Variants in COX7B2 observed in about 807,000 individuals in gnomAD.
COX7B2 encodes cytochrome c oxidase subunit 7B2, mitochondrial.
For synonymous variants in COX7B2, 37 were observed against 32.1 expected (o/e 1.15, Z -0.51); for missense variants, 109 against 95.9 (o/e 1.14, Z -0.57).
At chr4:46,798,131 C>T (rs568360354) in intron 2 of COX7B2, among the ~76,000 whole-genome samples, 10 of 152,220 alleles carry the variant, frequency 6.6e-5, no homozygotes, top group South Asian at 2.1e-4. Context: ...ACATATCACA[C>T]GTTGAGAAAT....
At chr4:46,870,166 A>G (rs1717894470) in intron 1 of COX7B2, among the ~76,000 whole-genome samples, 1 of 152,030 alleles carries the variant, frequency 6.6e-6, no homozygotes, top group Admixed American at 6.6e-5. Flanking sequence ...TTTTACTGTT[A>G]CTACTCGTAA....
intron 1 of COX7B2, among the ~76,000 whole-genome samples, chr4:46,861,223 A>G (rs533577100): frequency 1.3e-5 from 2 of 152,140 alleles, no homozygotes; most frequent in South Asian, 4.1e-4. Flanking sequence ...CTCTTTTGTC[A>G]TATTCTGTTT....
intron 2 of COX7B2, among the ~76,000 whole-genome samples, chr4:46,754,156 G>A (rs563756556): frequency 2.0e-5 from 3 of 152,144 alleles, no homozygotes; most frequent in South Asian, 4.2e-4. Flanking sequence ...TCAGTGTGGC[G>A]ATTTTTCAGG....
chr4:46,885,602 C>T, intron 1 of COX7B2, among the ~76,000 whole-genome samples: 1 of 152,020 alleles, frequency 6.6e-6, no homozygotes. Flanking sequence ...ATATCAGATG[C>T]CAGGAGAGAC....
chr4:46,854,558 C>T (rs998440980), intron 1 of COX7B2, among the ~76,000 whole-genome samples: 1 of 152,202 alleles, frequency 6.6e-6, no homozygotes, highest in Non-Finnish European at 1.5e-5. Flanking sequence ...ATCCATAAGG[C>T]TAGTGCCTAT....
rs558301615 is a variant in COX7B2, at chr4:46,885,682, C to T, written c.-105+23478G>A. 3.4e-4 allele frequency among the ~76,000 whole-genome samples: 52 copies of T among 152,226 alleles called. No homozygotes were observed. The South Asian group carries it at 1.0e-2, about 29-fold the overall frequency. The stretch of plus-strand genomic sequence containing the variant: ...ATCTAGATTAAAAGCATCAAAACTG[C>T]GCTTGATTATTCAGAAACCAGGTGG... On this transcript the variant is annotated intron_variant, in intron 1 of 2. Transcript: ENST00000355591.
intron 1 of COX7B2, among the ~76,000 whole-genome samples, chr4:46,866,392 T>C (rs1194190701): frequency 3.3e-5 from 5 of 152,224 alleles, no homozygotes; most frequent in Admixed American, 2.6e-4. Context: ...AATCCGACCC[T>C]GCAACTAACT....
chr4:46,861,465 C>T (rs1224314357), intron 1 of COX7B2, among the ~76,000 whole-genome samples: 2 of 152,078 alleles, frequency 1.3e-5, no homozygotes, highest in East Asian at 1.9e-4. Context: ...TGGTAAGCAT[C>T]CAGAAGGACT....
intron 2 of COX7B2, among the ~76,000 whole-genome samples, chr4:46,777,955 CT>C (rs749761218): frequency 2.6e-5 from 4 of 152,056 alleles, no homozygotes; most frequent in Admixed American, 6.6e-5. Flanking sequence ...GGATTTCCAT[CT>C]TTTTTTCTCT....
intron 2 of COX7B2, among the ~76,000 whole-genome samples, chr4:46,842,602 C>G (rs1716006843): frequency 6.6e-6 from 1 of 151,638 alleles, no homozygotes; most frequent in African/African-American, 2.4e-5. Context: ...CTTCCTGTGT[C>G]CATGTGTTCT....
intron 2 of COX7B2, among the ~76,000 whole-genome samples, chr4:46,752,802 G>A (rs993067398): frequency 2.0e-5 from 3 of 152,122 alleles, no homozygotes; most frequent in African/African-American, 7.2e-5. Flanking sequence ...TTTTTGATGT[G>A]CTGCTGGATT....
chr4:46,801,347 C>T (rs1231428806), intron 2 of COX7B2, among the ~76,000 whole-genome samples: 2 of 152,180 alleles, frequency 1.3e-5, no homozygotes, highest in African/African-American at 2.4e-5. Context: ...TGCCCATCAA[C>T]GGTGGACTAC....
intron 2 of COX7B2, among the ~76,000 whole-genome samples, chr4:46,832,297 A>C (rs558212100): frequency 6.6e-6 from 1 of 152,268 alleles, no homozygotes; most frequent in East Asian, 1.9e-4. Flanking sequence ...CTCCGAACAC[A>C]TCTGAACATC....
chr4:46,887,779 T>G (rs148244110), intron 1 of COX7B2, among the ~76,000 whole-genome samples: 368 of 148,446 alleles, frequency 2.5e-3, no homozygotes, highest in African/African-American at 8.6e-3. Flanking sequence ...TATTTGGCAA[T>G]GCATCCCAAC....
intron 1 of COX7B2, among the ~76,000 whole-genome samples, chr4:46,849,041 T>C (rs1199853804): frequency 2.0e-5 from 3 of 152,072 alleles, no homozygotes; most frequent in Non-Finnish European, 2.9e-5. Context: ...AAAAAGTCTG[T>C]ACATGTCAGT....
chr4:46,816,778 GAGGT>G (rs1719579788), intron 2 of COX7B2, among the ~76,000 whole-genome samples: 3 of 152,152 alleles, frequency 2.0e-5, no homozygotes, highest in African/African-American at 7.2e-5. Context: ...CACTATAGCT[GAGGT>G]TGTATGTAGA....
intron 1 of COX7B2, among the ~76,000 whole-genome samples, chr4:46,902,573 A>G (rs925688760): frequency 6.6e-6 from 1 of 152,212 alleles, no homozygotes; most frequent in South Asian, 2.1e-4. Context: ...GACTTTAGGT[A>G]TTGTCTTCTG....
intron 2 of COX7B2, among the ~76,000 whole-genome samples, chr4:46,771,820 G>C (rs1489792414): frequency 6.6e-6 from 1 of 151,984 alleles, no homozygotes; most frequent in East Asian, 1.9e-4. Context: ...TTTCAGATAA[G>C]GAATACTAAA....
At chr4:46,880,921 C>T (rs1177300698) in intron 1 of COX7B2, among the ~76,000 whole-genome samples, 2 of 142,194 alleles carry the variant, frequency 1.4e-5, no homozygotes, top group Non-Finnish European at 3.0e-5. Context: ...TGCAGCGCAC[C>T]AGCATGGCAC....
Sources: allele counts gnomAD v4.1 joint callset (sites outside exome capture counted in the v4.1 genomes callset), GRCh38; gene constraint gnomAD v4.1.1; transcripts MANE v1.5; gene names NCBI Gene and HGNC (gene_info 2026-07-23, HGNC 2026-07-21).